Variants in DNAH10 observed in about 807,000 individuals in gnomAD.
DNAH10 encodes dynein axonemal heavy chain 10.
Under a neutral mutation model 506.6 loss-of-function variants are expected in DNAH10, and 348 were observed. The observed-to-expected ratio is 0.69, with a 90% CI of 0.63 to 0.75. The LOEUF (loss-of-function observed/expected upper bound fraction) is 0.75, where lower values mean the gene tolerates loss of function less well. Among genes scored for constraint, DNAH10 ranks in the 30% least tolerant of loss-of-function variants. The probability of loss-of-function intolerance (pLI) is 0.00; values close to 1 mark genes in which losing one functional copy is unlikely to be tolerated. For missense variants in DNAH10, 5,179 were observed against 5,787.1 expected (o/e 0.89, Z 3.41); for synonymous variants, 2,059 against 2,198.6 (o/e 0.94, Z 1.78).
chr12:123,904,603 C>T (rs12309481), intron 57 of DNAH10, among the ~76,000 whole-genome samples: 2 of 151,836 alleles, frequency 1.3e-5, no homozygotes, highest in African/African-American at 2.4e-5. Flanking sequence ...ACAGGTGCCC[C>T]GCTCACCCCT....
intron 29 of DNAH10, 60 bp downstream of exon 29, chr12:123,838,749 C>G (rs1174732985): frequency 8.2e-6 from 12 of 1,463,580 alleles, no homozygotes; most frequent in Non-Finnish European, 9.4e-6. Flanking sequence ...CTTCGGTCCT[C>G]CCTGGTTCCC....
chr12:123,873,033 G>A (rs944720772), intron 45 of DNAH10, among the ~76,000 whole-genome samples: 6 of 152,318 alleles, frequency 3.9e-5, no homozygotes, highest in South Asian at 2.1e-4. Flanking sequence ...CCTTCCTGCC[G>A]GCAGTTAGTC....
rs1042719865 is a variant in DNAH10, at chr12:123,926,309, C to A, written c.11922-328C>A. ...CAAAACTCAAAACTCAAGATGTGGA[C>A]CATTCAGGACACGCCTGTGGAACCT... On this transcript the variant is annotated intron_variant, in intron 68 of 78. Transcript: ENST00000673944. This position sits in a 1 kb window ranked among gnomAD's most constrained non-coding sequence, Gnocchi z 4.1. 23 of 303,290 alleles carry A rather than the reference C, an allele frequency of 7.6e-5. No individual in the cohort carries two copies. Among genetic ancestry groups the A allele is most frequent in the African/African-American group, 4.5e-4 (21 of 46,310 alleles). The allele number at this position is 303,290 out of a possible 1,614,324, so 18.8% of individuals were successfully genotyped here.
At chr12:123,886,281 G>A (rs1252427697) in intron 51 of DNAH10, among the ~76,000 whole-genome samples, 1 of 152,174 alleles carries the variant, frequency 6.6e-6, no homozygotes, top group Admixed American at 6.5e-5. Flanking sequence ...AGGACACACA[G>A]GGCTGTGTCT....
In DNAH10 at chr12:123,846,151, C is replaced by A. The variant is rs1436993968; in HGVS notation, c.5811C>A (p.Thr1937=). 3 of 1,610,374 alleles carry A rather than the reference C, an allele frequency of 1.9e-6. No homozygotes were observed. In the Admixed American group the frequency reaches 5.0e-5, roughly 27 times the overall value. Residue 1937 remains threonine (T), a synonymous_variant, in exon 32 of 79, where the codon ACC becomes ACA. Transcript: ENST00000673944. This position sits in a 1 kb window ranked among gnomAD's most constrained non-coding sequence, Gnocchi z 4.5. ...PLTDRIYLTL[T]QALSMYLGGA... is the part of the protein sequence containing the mutation. ...CCGATCGGATTTACCTGACGCTCAC[C>A]CAGGTGACTGCCAGCCTGGCACTTG...
At chr12:123,815,498 G>A (rs1432914227) in intron 21 of DNAH10, among the ~76,000 whole-genome samples, 2 of 151,890 alleles carry the variant, frequency 1.3e-5, no homozygotes, top group East Asian at 3.9e-4. Context: ...TAAATATTTT[G>A]TTTCTTTTTC....
Position 123,909,442 on chromosome 12 carries a change from G to A in DNAH10, c.9997G>A (p.Gly3333Ser), listed in dbSNP as rs1413251496. Residue 3333 changes from glycine (G) to serine (S), a missense_variant and splice_region_variant, in exon 58 of 79, where the codon GGC becomes AGC. Coordinates refer to ENST00000673944, the MANE Select transcript of DNAH10 (RefSeq NM_001372106.1). This position sits in a 1 kb window ranked among gnomAD's most constrained non-coding sequence, Gnocchi z 5.4. The part of the protein sequence containing the change: ...ITQSQVKNIK[G>S]LLKTLNTTTE... ...CCAGAGCCAAGTGAAAAACATCAAA[G>A]GTGAGTGTAGCCACGTGTGGGAATC... is the stretch of plus-strand genomic sequence containing the variant. 6.3e-6 allele frequency: 10 copies of A among 1,581,320 alleles called. No homozygotes were observed. Among genetic ancestry groups the A allele is most frequent in the Non-Finnish European group, 8.6e-6 (10 of 1,162,146 alleles).
intron 58 of DNAH10, 31 bp from the exon 59 acceptor site, chr12:123,910,505 C>T (rs375260311): frequency 4.4e-5 from 70 of 1,601,502 alleles, no homozygotes; most frequent in Non-Finnish European, 5.5e-5. Flanking sequence ...AAGCTTGCCA[C>T]TCATAAAAAT....
At chr12:123,923,741 C>T (rs1426198167) in intron 65 of DNAH10, 22 bp from the exon 66 acceptor site, 2 of 1,532,534 alleles carry the variant, frequency 1.3e-6, no homozygotes, top group Non-Finnish European at 1.8e-6. Flanking sequence ...GAAATCAATA[C>T]TCATCTGATG....
At chr12:123,840,480 T>C (rs1003109302) in intron 29 of DNAH10, among the ~76,000 whole-genome samples, 1 of 145,764 alleles carries the variant, frequency 6.9e-6, no homozygotes, top group African/African-American at 2.6e-5. Flanking sequence ...TCACAGCTCA[T>C]TGCAGCCTCT....
chr12:123,923,444 A>G (rs12809125), intron 65 of DNAH10: 69,515 of 187,204 alleles, frequency 0.37, 14,013 homozygotes, highest in African/African-American at 0.53. Context: ...ACCTGCCTTC[A>G]GTGGAGAGGG....
Position 123,804,189 on chromosome 12 carries a change from A to G in DNAH10, c.2779+364A>G, listed in dbSNP as rs191317823. Among the ~76,000 whole-genome samples the G allele has an allele frequency of 8.5e-5, 13 of 152,128 alleles. No homozygotes were observed. In the East Asian group the frequency reaches 2.5e-3, roughly 29 times the overall value. On this transcript the variant is annotated intron_variant, in intron 17 of 78. Coordinates refer to ENST00000673944, the MANE Select transcript of DNAH10 (RefSeq NM_001372106.1). ...CTTTGTTGATAACTTTGTAACAGTA[A>G]AGCTAGTTGTATTTTTTATGGGCTC...
In DNAH10 at chr12:123,935,637, A is replaced by AC; in HGVS notation, c.*156_*157insC. ...GCCACTTAAATCTCTTTCCATACAA[A>AC]TTAACCTGAATGGTTTTGTTTTTAA... On this transcript the variant is annotated 3_prime_UTR_variant, in exon 79 of 79. Coordinates refer to ENST00000673944, the MANE Select transcript of DNAH10 (RefSeq NM_001372106.1). 1 of 747,284 alleles carries AC rather than the reference A, an allele frequency of 1.3e-6. No homozygotes were observed. The highest frequency in any genetic ancestry group is 3.4e-5 in the South Asian group (1 of 29,370). The allele number at this position is 747,284 out of a possible 1,614,324, so 46.3% of individuals were successfully genotyped here. A position where few individuals can be genotyped will look rare whatever the true frequency, so the allele number is the denominator to read the frequency against.
chr12:123,846,276 G>A lies in DNAH10; in HGVS notation c.5814+122G>A, dbSNP rs1950948529. ...GGGGAGATCATTGCTTTGAAATCTC[G>A]AAAAGCTTTTCCATTTGGGATGTGA... On this transcript the variant is annotated intron_variant, in intron 32 of 78. Coordinates refer to ENST00000673944, the MANE Select transcript of DNAH10 (RefSeq NM_001372106.1). This position sits in a 1 kb window ranked among gnomAD's most constrained non-coding sequence, Gnocchi z 4.5. 16 of 1,279,418 alleles carry A rather than the reference G, an allele frequency of 1.3e-5. No individual in the cohort carries two copies. Among genetic ancestry groups the A allele is most frequent in the South Asian group, 6.3e-5 (4 of 63,966 alleles). 79.3% of individuals were successfully genotyped at this position (1,279,418 alleles called of 1,614,324 possible).
At chr12:123,901,665 T>C (rs1376499606) in intron 56 of DNAH10, among the ~76,000 whole-genome samples, 1 of 152,132 alleles carries the variant, frequency 6.6e-6, no homozygotes, top group Non-Finnish European at 1.5e-5. Flanking sequence ...ATTAATTAAT[T>C]AATTTATTTT....
chr12:123,825,841 G>A (rs1213902720), intron 24 of DNAH10, among the ~76,000 whole-genome samples: 1 of 152,180 alleles, frequency 6.6e-6, no homozygotes, highest in African/African-American at 2.4e-5. Context: ...TAGAAAAACA[G>A]GCCAGGTGTG....
At chr12:123,806,863 G>T (rs1275346670) in intron 18 of DNAH10, among the ~76,000 whole-genome samples, 4 of 151,776 alleles carry the variant, frequency 2.6e-5, no homozygotes, top group African/African-American at 7.3e-5. Flanking sequence ...CGCCTTCTGG[G>T]TTCACACCAT....
chr12:123,791,887 A>G (rs1000751649), intron 11 of DNAH10, among the ~76,000 whole-genome samples: 18 of 152,344 alleles, frequency 1.2e-4, no homozygotes, highest in South Asian at 6.2e-4. Context: ...AAGGATTCAT[A>G]ATAAGAAAAA....
chr12:123,862,656 G>A (rs1198280560), intron 39 of DNAH10, among the ~76,000 whole-genome samples: 1 of 152,126 alleles, frequency 6.6e-6, no homozygotes, highest in Non-Finnish European at 1.5e-5. Context: ...CAACTACAGT[G>A]CTGAGATTAC....
Sources: gnomAD v4.1 joint callset for allele counts (sites outside exome capture counted in the v4.1 genomes callset) on GRCh38, gnomAD v4.1.1 for gene constraint, Gnocchi (gnomAD v3.1) non-coding constraint, MANE v1.5 for transcripts, NCBI Gene and HGNC (gene_info 2026-07-23, HGNC 2026-07-21) for gene names.